IFT140: variants seen among roughly 807,000 people sequenced by gnomAD.
The protein encoded by IFT140 is intraflagellar transport protein 140 homolog.
In IFT140, 133 loss-of-function variants were observed where a neutral mutation model predicts 164.6. That is an observed-to-expected ratio of 0.81 (90% CI 0.70 to 0.93). IFT140 has a LOEUF of 0.93. IFT140 is among the 40% of genes least tolerant of loss of function. The probability of loss-of-function intolerance (pLI) is 0.00; values close to 1 mark genes in which losing one functional copy is unlikely to be tolerated. For synonymous variants in IFT140, 860 were observed against 817.3 expected (o/e 1.05, Z -0.89); for missense variants, 2,045 against 1,972.3 (o/e 1.04, Z -0.70).
chr16:1,519,968 T>G lies in IFT140; in HGVS notation c.3953A>C (p.Lys1318Thr). The G allele has an allele frequency of 6.2e-7, 1 of 1,606,516 alleles. No individual in the cohort carries two copies. Among genetic ancestry groups the G allele is most frequent in the East Asian group, 2.2e-5 (1 of 44,814 alleles). ...TEAYKCLAKA[K>T]AKSPLDQETR... ...CTCCTGGTCCAGGGGGCTCTTGGCC[T>G]TGGCCTTGGCCAGGCACTTGTAGGC... Residue 1318 changes from lysine to threonine, a missense_variant, in exon 29 of 31, where the codon AAG becomes ACG. Coordinates refer to ENST00000426508, the MANE Select transcript of IFT140 (RefSeq NM_014714.4).
chr16:1,510,575 G>T lies in IFT140; in HGVS notation c.*369C>A. The T allele has an allele frequency of 2.8e-6, 1 of 357,398 alleles. No homozygotes were observed. The highest frequency in any genetic ancestry group is 2.7e-5 in the South Asian group (1 of 37,116). The allele number at this position is 357,398 out of a possible 1,614,324, so 22.1% of individuals were successfully genotyped here. Reference sequence around the variant, plus strand: ...TGCAGGAGTATGGGGAGGATATGATGTGTGGGGAGCAGGGGGGCAGGTGCC... The same window carrying T: ...TGCAGGAGTATGGGGAGGATATGATTTGTGGGGAGCAGGGGGGCAGGTGCC... On this transcript the variant is annotated 3_prime_UTR_variant, in exon 31 of 31. Transcript: ENST00000426508.
chr16:1,600,476 A>G (rs1315517209), intron 4 of IFT140, among the ~76,000 whole-genome samples: 2 of 151,780 alleles, frequency 1.3e-5, no homozygotes, highest in Non-Finnish European at 2.9e-5. Flanking sequence ...AAAAAAAAAA[A>G]ATGTACACAG....
At chr16:1,575,878 C>A (rs2034250465) in intron 13 of IFT140, among the ~76,000 whole-genome samples, 1 of 152,186 alleles carries the variant, frequency 6.6e-6, no homozygotes, top group Non-Finnish European at 1.5e-5. Context: ...TCCCTGCAGG[C>A]CACTGGTGCC....
intron 16 of IFT140, among the ~76,000 whole-genome samples, chr16:1,565,193 G>A (rs1166758171): frequency 3.9e-5 from 6 of 152,188 alleles, no homozygotes; most frequent in Non-Finnish European, 5.9e-5. Flanking sequence ...GAAACGCTGC[G>A]GACCTGGGTG....
intron 8 of IFT140, among the ~76,000 whole-genome samples, chr16:1,587,730 G>A (rs778531454): frequency 5.3e-5 from 8 of 152,238 alleles, no homozygotes; most frequent in Non-Finnish European, 1.0e-4. Context: ...CCGAGGGAGT[G>A]CAGTGGGGCG....
At chr16:1,596,087 C>A (rs1348839877) in intron 4 of IFT140, among the ~76,000 whole-genome samples, 1 of 152,050 alleles carries the variant, frequency 6.6e-6, no homozygotes, top group African/African-American at 2.4e-5. Flanking sequence ...CAAACAAAAC[C>A]ACTATTGGTG....
intron 19 of IFT140, among the ~76,000 whole-genome samples, chr16:1,527,545 G>A (rs2046841937): frequency 6.6e-6 from 1 of 152,212 alleles, no homozygotes; most frequent in African/African-American, 2.4e-5. Flanking sequence ...CACAGGTGCA[G>A]GGACGGTGGA....
chr16:1,556,731 CT>C (rs531344024), intron 19 of IFT140, among the ~76,000 whole-genome samples: 1,538 of 152,330 alleles, frequency 0.01, 25 homozygotes, highest in African/African-American at 0.035. Flanking sequence ...CCCTGCTCAA[CT>C]TTTTTATGAC....
chr16:1,546,322 G>C (rs570917597), intron 19 of IFT140, among the ~76,000 whole-genome samples: 1 of 152,198 alleles, frequency 6.6e-6, no homozygotes, highest in African/African-American at 2.4e-5. Context: ...AGGATGCTCC[G>C]AGCCCTCAGG....
chr16:1,598,219 G>C (rs902725240), intron 4 of IFT140, among the ~76,000 whole-genome samples: 2 of 152,206 alleles, frequency 1.3e-5, no homozygotes, highest in African/African-American at 2.4e-5. Flanking sequence ...AGCACTGTGG[G>C]AGGCTGAGGC....
intron 27 of IFT140, 53 bp downstream of exon 27, chr16:1,520,549 C>A (rs74480393): frequency 1.3e-6 from 2 of 1,510,830 alleles, no homozygotes; most frequent in Admixed American, 2.0e-5. Flanking sequence ...GCAGGGGGCC[C>A]GCAGCCTAAC....
intron 19 of IFT140, chr16:1,541,528 C>G (rs2031633712): frequency 1.0e-6 from 1 of 984,656 alleles, no homozygotes; most frequent in Non-Finnish European, 1.2e-6. Flanking sequence ...GCTGTGAATT[C>G]AGTGACAGGG....
rs778774647 is a variant in IFT140, at chr16:1,592,162, C to T, written c.634+14G>A. 1 of 1,614,056 alleles carries T rather than the reference C, an allele frequency of 6.2e-7. No homozygotes were observed. Among genetic ancestry groups the T allele is most frequent in the South Asian group, 1.1e-5 (1 of 91,058 alleles). ...ATGCTAGGACCCCTGAGAATCACAA[C>T]CAAAGTTCCTCACCGTCCATCAGAC... On this transcript the variant is annotated intron_variant, in intron 6 of 30. Transcript: ENST00000426508.
At chr16:1,592,057 G>C (rs1440705901) in intron 6 of IFT140, 119 bp downstream of exon 6, 1 of 1,103,826 alleles carries the variant, frequency 9.1e-7, no homozygotes, top group Non-Finnish European at 1.3e-6. Flanking sequence ...ATCTTTCTGT[G>C]CAGCCTGCTG....
At chr16:1,592,852 C>G (rs1399340095) in intron 4 of IFT140, among the ~76,000 whole-genome samples, 5 of 151,728 alleles carry the variant, frequency 3.3e-5, no homozygotes, top group Non-Finnish European at 7.4e-5. Flanking sequence ...GACGGAGTCA[C>G]TGGCGGAGGG....
intron 2 of IFT140, 120 bp from the exon 3 acceptor site, chr16:1,607,417 T>G (rs976436367): frequency 1.2e-6 from 1 of 844,628 alleles, no homozygotes; most frequent in Non-Finnish European, 1.8e-6. Context: ...CATCGGCAAC[T>G]TGAAAATGCC....
At chr16:1,570,180 T>C (rs1303999990) in intron 14 of IFT140, among the ~76,000 whole-genome samples, 3 of 152,206 alleles carry the variant, frequency 2.0e-5, no homozygotes, top group Non-Finnish European at 2.9e-5. Flanking sequence ...AGCTCCTTTA[T>C]TGGAGGATGG....
At position 1,564,453 on chromosome 16, in the gene IFT140, A is replaced by T. The variant is rs1204351606; in HGVS notation, c.1902-291T>A. Reference sequence around the variant, plus strand: ...GGGGCCCAGAAGAATCCCCAAAGCAAAAGGGACCCTTTTCCTTTTCCAGGA... The same window carrying T: ...GGGGCCCAGAAGAATCCCCAAAGCATAAGGGACCCTTTTCCTTTTCCAGGA... On this transcript the variant is annotated intron_variant, in intron 16 of 30. Transcript: ENST00000426508. This position sits in a 1 kb window ranked among gnomAD's most constrained non-coding sequence, Gnocchi z 5.5. Among the ~76,000 whole-genome samples the T allele has an allele frequency of 6.6e-6, 1 of 152,210 alleles. No homozygotes were observed. The highest frequency in any genetic ancestry group is 6.5e-5 in the Admixed American group (1 of 15,286).
intron 19 of IFT140, chr16:1,540,989 G>A (rs2031577843): frequency 1.0e-6 from 1 of 985,340 alleles, no homozygotes; most frequent in Non-Finnish European, 1.2e-6. Context: ...CCTCATTTGG[G>A]CCCCTGTGTA....
Sources: gnomAD v4.1 joint callset for allele counts (sites outside exome capture counted in the v4.1 genomes callset) on GRCh38, gnomAD v4.1.1 for gene constraint, Gnocchi (gnomAD v3.1) non-coding constraint, MANE v1.5 for transcripts, NCBI Gene and HGNC (gene_info 2026-07-23, HGNC 2026-07-21) for gene names.